Variants in MTARC2 observed in about 807,000 individuals in gnomAD.
The protein encoded by MTARC2 is mitochondrial amidoxime reducing component 2, also known as MOCO sulphurase C-terminal domain containing 2.
MTARC2 carries 27 observed loss-of-function variants against 35.6 expected under a neutral mutation model. That is an observed-to-expected ratio of 0.76 (90% CI 0.56 to 1.04). MTARC2 has a LOEUF of 1.04. Ranked by LOEUF, MTARC2 falls within the 50% of genes least tolerant of loss-of-function variation. MTARC2 has a pLI of 0.00. For missense variants in MTARC2, 412 were observed against 432.5 expected, an observed-to-expected ratio of 0.95 and a Z score of 0.42; for synonymous variants, 158 against 167.1, an observed-to-expected ratio of 0.95 and a Z score of 0.42.
chr1:220,753,200 C>G (rs1478049514), intron 1 of MTARC2, among the ~76,000 whole-genome samples: 1 of 151,878 alleles, frequency 6.6e-6, no homozygotes, highest in Admixed American at 6.6e-5. Flanking sequence ...TGCACTCCAG[C>G]CTGGGTGACA....
intron 4 of MTARC2, among the ~76,000 whole-genome samples, chr1:220,768,689 C>T (rs777793383): frequency 2.6e-5 from 4 of 152,012 alleles, no homozygotes; most frequent in Non-Finnish European, 5.9e-5. Context: ...GACAATTGTG[C>T]TCAGTAAAAA....
At chr1:220,781,630 A>G (rs1166723716) in intron 6 of MTARC2, 148 bp from the exon 7 acceptor site, 2 of 722,102 alleles carry the variant, frequency 2.8e-6, no homozygotes, top group Non-Finnish European at 4.5e-6. Flanking sequence ...CAGTTTGACT[A>G]ATTGTCCACA....
chr1:220,780,258 C>T lies in MTARC2; in HGVS notation c.884+19C>T. 1 of 1,600,792 alleles carries T rather than the reference C, an allele frequency of 6.2e-7. No homozygotes were observed. On this transcript the variant is annotated intron_variant, in intron 6 of 7. Coordinates refer to ENST00000366913, the MANE Select transcript of MTARC2 (RefSeq NM_017898.5). ...TGAAGAGGTAGAATACCACCACAGCCAGTGTATTTTAAATATTATCTCCAC... is the reference window on the plus strand; with the variant it reads ...TGAAGAGGTAGAATACCACCACAGCTAGTGTATTTTAAATATTATCTCCAC...
chr1:220,778,564 C>T (rs901557977), intron 4 of MTARC2, among the ~76,000 whole-genome samples: 1 of 152,182 alleles, frequency 6.6e-6, no homozygotes, highest in Non-Finnish European at 1.5e-5. Context: ...CAGGTCCCAC[C>T]TCCAACAGTA....
rs765523102 is a variant in MTARC2, at chr1:220,755,539, G to A, written c.446+419G>A. On this transcript the variant is annotated intron_variant, in intron 2 of 7. Coordinates refer to ENST00000366913, the MANE Select transcript of MTARC2 (RefSeq NM_017898.5). Reference sequence around the variant, plus strand: ...AGGAAAGGAGAAGCAAGGCAGGGGCGGCAGGCTTAGGGCTGGCTAGTTTGA... The same window carrying A: ...AGGAAAGGAGAAGCAAGGCAGGGGCAGCAGGCTTAGGGCTGGCTAGTTTGA... Among the ~76,000 whole-genome samples the A allele has an allele frequency of 6.6e-5, 10 of 152,130 alleles. No homozygotes were observed. In the East Asian group the frequency reaches 7.7e-4, roughly 12 times the overall value.
intron 4 of MTARC2, among the ~76,000 whole-genome samples, chr1:220,772,398 T>A (rs12562235): frequency 0.32 from 48,446 of 152,074 alleles, 8,891 homozygotes; most frequent in East Asian, 0.68. Context: ...TTTTACTAAT[T>A]TAGTAAGTGA....
intron 4 of MTARC2, 145 bp downstream of exon 4, chr1:220,763,195 G>C: frequency 8.3e-7 from 1 of 1,204,632 alleles, no homozygotes; most frequent in Admixed American, 2.1e-5. Context: ...TGCTTGCGGA[G>C]TTGTTCACCC....
At chr1:220,757,004 G>A (rs1671298351) in intron 2 of MTARC2, among the ~76,000 whole-genome samples, 1 of 152,268 alleles carries the variant, frequency 6.6e-6, no homozygotes, top group Middle Eastern at 3.2e-3. Context: ...CCAGGTTCAA[G>A]CGATTCTCCT....
At position 220,764,096 on chromosome 1, in the gene MTARC2, AT is replaced by A. The variant is rs879680096; in HGVS notation, c.750+1061del. ...TTTTGTGTGAGTAAAATGTGCCCTA[AT>A]TTTTTTTTTTTTTTGAGAGAGAGTC... is the stretch of plus-strand genomic sequence containing the variant. On this transcript the variant is annotated intron_variant, in intron 4 of 7. Coordinates refer to ENST00000366913, the MANE Select transcript of MTARC2 (RefSeq NM_017898.5). Among the ~76,000 whole-genome samples, 1,093 of 142,630 alleles carry A rather than the reference AT, an allele frequency of 7.7e-3. 4 individuals are homozygous for A. The highest frequency in any genetic ancestry group is 0.018 in the South Asian group (83 of 4,510). The allele number at this position is 142,630 out of a possible 152,430, so 93.6% of individuals were successfully genotyped here.
rs751819822 is a variant in MTARC2, at chr1:220,748,714, G to T, written c.183G>T (p.Trp61Cys). The T allele has an allele frequency of 4.4e-6, 7 of 1,598,472 alleles. No homozygotes were observed. In the South Asian group the frequency reaches 7.9e-5, roughly 18 times the overall value. ...AGGTGGGCACCGTGGCGAAGCTCTGGATCTACCCGGTGAAATCCTGCAAAG... is the reference window on the plus strand; with the variant it reads ...AGGTGGGCACCGTGGCGAAGCTCTGTATCTACCCGGTGAAATCCTGCAAAG... ...LQQVGTVAKL[W>C]IYPVKSCKGV... The change falls in exon 1 of 8, where the codon TGG becomes TGT. Residue 61 changes from tryptophan to cysteine, a missense_variant. By Grantham distance (215) the Trp-to-Cys change is radical. Transcript: ENST00000366913.
At chr1:220,782,156 G>A (rs1393351584) in intron 7 of MTARC2, among the ~76,000 whole-genome samples, 4 of 152,318 alleles carry the variant, frequency 2.6e-5, no homozygotes, top group Middle Eastern at 3.4e-3. Flanking sequence ...ATGGTAAAAT[G>A]CTGATGGAAG....
At chr1:220,768,084 C>A (rs1234777113) in intron 4 of MTARC2, among the ~76,000 whole-genome samples, 4 of 152,178 alleles carry the variant, frequency 2.6e-5, no homozygotes, top group Non-Finnish European at 5.9e-5. Flanking sequence ...CGACTCACTG[C>A]TATTGAACAC....
rs2102572535 is a variant in MTARC2 at position 220,780,038 on chromosome 1, A to C, written c.771A>C (p.Leu257=). ...AFEEDTWDEL[L]IGSVEVKKVM... ...CTTAGGATACCTGGGATGAACTCCT[A>C]ATTGGTAGTGTAGAAGTGAAAAAGG... The change falls in exon 5 of 8, where the codon CTA becomes CTC. Residue 257 remains leucine (L), a synonymous_variant. Transcript: ENST00000366913. 6.5e-7 allele frequency: 1 copy of C among 1,539,700 alleles called. No homozygotes were observed. Among genetic ancestry groups the C allele is most frequent in the Non-Finnish European group, 8.7e-7 (1 of 1,154,002 alleles).
intron 4 of MTARC2, among the ~76,000 whole-genome samples, chr1:220,774,905 G>C (rs1671852617): frequency 6.7e-6 from 1 of 149,006 alleles, no homozygotes; most frequent in Non-Finnish European, 1.5e-5. Flanking sequence ...TCCTCTGTCT[G>C]TGTGGATATA....
intron 1 of MTARC2, among the ~76,000 whole-genome samples, chr1:220,752,011 G>T (rs1019148360): frequency 1.3e-5 from 2 of 152,188 alleles, no homozygotes; most frequent in Non-Finnish European, 2.9e-5. Flanking sequence ...TGTGATTGCT[G>T]TATTTGTCCT....
At chr1:220,758,122 C>T (rs1442437587) in intron 2 of MTARC2, among the ~76,000 whole-genome samples, 1 of 151,884 alleles carries the variant, frequency 6.6e-6, no homozygotes, top group Admixed American at 6.6e-5. Flanking sequence ...GTAGCTGGGA[C>T]TACAGGCGCA....
chr1:220,748,366 TC>T lies in MTARC2; in HGVS notation c.-164del. 3 of 663,536 alleles carry T rather than the reference TC, an allele frequency of 4.5e-6. No individual in the cohort carries two copies. The highest frequency in any genetic ancestry group is 6.5e-6 in the Non-Finnish European group (3 of 462,736). The allele number at this position is 663,536 out of a possible 1,614,324, so 41.1% of individuals were successfully genotyped here. On this transcript the variant is annotated 5_prime_UTR_variant, in exon 1 of 8. Coordinates refer to ENST00000366913, the MANE Select transcript of MTARC2 (RefSeq NM_017898.5). ...TCACCGCATTAAGGCATTCCCGCTC[TC>T]CGCGGAACTGCTCTGCCGTCTCGGC...
At position 220,781,782 on chromosome 1, in the gene MTARC2, C is replaced by T. The variant is rs761979205; in HGVS notation, c.889C>T (p.Arg297Cys). The change falls in exon 7 of 8, where the codon CGC becomes TGC. Residue 297 changes from arginine (R) to cysteine (C), a missense_variant. Transcript: ENST00000366913. ...KQPLDTLKSY[R>C]LCDPSERELY... The stretch of plus-strand genomic sequence containing the variant: ...TTGAATTTTTGCTTGTTTCAGCTAC[C>T]GCCTGTGTGATCCTTCTGAGAGGGA... The T allele has an allele frequency of 3.0e-5, 48 of 1,613,984 alleles. No homozygotes were observed. The Middle Eastern group carries it at 6.6e-4, about 22-fold the overall frequency.
intron 6 of MTARC2, among the ~76,000 whole-genome samples, chr1:220,781,357 C>T (rs1053876544): frequency 1.3e-5 from 2 of 152,088 alleles, no homozygotes; most frequent in African/African-American, 2.4e-5. Context: ...CCAGTGAACC[C>T]CAGCTTTGGG....
Sources: gnomAD v4.1 joint callset for allele counts (sites outside exome capture counted in the v4.1 genomes callset) on GRCh38, gnomAD v4.1.1 for gene constraint, MANE v1.5 for transcripts, NCBI Gene and HGNC (gene_info 2026-07-23, HGNC 2026-07-21) for gene names.